GPC5: variants seen among roughly 807,000 people sequenced by gnomAD.
GPC5 encodes glypican 5, also known as glypican-5.
Under a neutral mutation model 53.9 loss-of-function variants are expected in GPC5, and 47 were observed. The observed-to-expected ratio is 0.87, with a 90% CI of 0.69 to 1.11. GPC5 has a LOEUF of 1.11. GPC5 is among the 50% of genes most tolerant of loss of function. The pLI is 0.00. For missense variants in GPC5, 748 were observed against 713.1 expected (o/e 1.05, Z -0.56); for synonymous variants, 286 against 263.3 (o/e 1.09, Z -0.84).
intron 5 of GPC5, among the ~76,000 whole-genome samples, chr13:91,809,092 T>C (rs936330520): frequency 3.3e-5 from 5 of 152,144 alleles, no homozygotes; most frequent in African/African-American, 1.2e-4. Context: ...AAAAGGATTA[T>C]CATCTTTACT....
chr13:91,423,386 T>C (rs189774689), intron 1 of GPC5, among the ~76,000 whole-genome samples: 44 of 152,314 alleles, frequency 2.9e-4, no homozygotes, highest in African/African-American at 1.0e-3. Flanking sequence ...TTAAGGCTTA[T>C]AGTCTAAGGA....
intron 5 of GPC5, among the ~76,000 whole-genome samples, chr13:91,878,085 T>C (rs1309365951): frequency 6.6e-6 from 1 of 152,144 alleles, no homozygotes; most frequent in African/African-American, 2.4e-5. Flanking sequence ...CCAATTAAAC[T>C]TCTTTTGCTT....
intron 2 of GPC5, among the ~76,000 whole-genome samples, chr13:91,580,179 T>C (rs1414552529): frequency 6.6e-6 from 1 of 151,924 alleles, no homozygotes; most frequent in African/African-American, 2.4e-5. Context: ...GCCTCCAGAG[T>C]ATCTGGGACT....
chr13:91,812,943 C>G (rs2038336801), intron 5 of GPC5, among the ~76,000 whole-genome samples: 1 of 152,098 alleles, frequency 6.6e-6, no homozygotes, highest in South Asian at 2.1e-4. Context: ...AACACAGAGC[C>G]CAAATGAAGT....
chr13:91,635,799 T>G lies in GPC5; in HGVS notation c.326-57388T>G, dbSNP rs998598395. On this transcript the variant is annotated intron_variant, in intron 2 of 7. Transcript: ENST00000377067. ...CACTTGCAGATAAACTTTAGAATTATATTGTCAGTTTCATATTTTTCACTC... is the reference window on the plus strand; with the variant it reads ...CACTTGCAGATAAACTTTAGAATTAGATTGTCAGTTTCATATTTTTCACTC... Among the ~76,000 whole-genome samples the G allele has an allele frequency of 2.0e-5, 3 of 152,120 alleles. No homozygotes were observed. The East Asian group carries it at 5.8e-4, about 29-fold the overall frequency.
intron 7 of GPC5, among the ~76,000 whole-genome samples, chr13:92,603,075 A>C (rs1287735099): frequency 6.6e-6 from 1 of 152,200 alleles, no homozygotes; most frequent in Non-Finnish European, 1.5e-5. Flanking sequence ...TCAGTCACTG[A>C]AGCTATAGAC....
At chr13:92,624,311 C>G (rs1884978405) in intron 7 of GPC5, among the ~76,000 whole-genome samples, 1 of 152,124 alleles carries the variant, frequency 6.6e-6, no homozygotes, top group African/African-American at 2.4e-5. Context: ...CTCAGATGAT[C>G]CAGCTGCCTC....
chr13:91,953,299 T>C (rs1022763990), intron 6 of GPC5, among the ~76,000 whole-genome samples: 58 of 152,296 alleles, frequency 3.8e-4, no homozygotes, highest in African/African-American at 1.3e-3. Flanking sequence ...GGAGTTATTT[T>C]TGAAATTGCT....
At chr13:91,863,405 A>G (rs989413139) in intron 5 of GPC5, among the ~76,000 whole-genome samples, 4 of 151,636 alleles carry the variant, frequency 2.6e-5, no homozygotes, top group African/African-American at 9.7e-5. Flanking sequence ...TTTTTTGTTT[A>G]TTCCCTCAAA....
At chr13:92,317,952 A>C (rs1418119793) in intron 7 of GPC5, among the ~76,000 whole-genome samples, 2 of 152,206 alleles carry the variant, frequency 1.3e-5, no homozygotes, top group African/African-American at 4.8e-5. Flanking sequence ...AGTTCAGTGA[A>C]TACATTATAT....
chr13:91,998,692 T>C (rs1350199977), intron 6 of GPC5, among the ~76,000 whole-genome samples: 1 of 152,196 alleles, frequency 6.6e-6, no homozygotes, highest in Non-Finnish European at 1.5e-5. Context: ...CTTAATTGGC[T>C]TCCTAGTTCA....
intron 7 of GPC5, among the ~76,000 whole-genome samples, chr13:92,398,533 C>T (rs1875403671): frequency 6.6e-6 from 1 of 151,764 alleles, no homozygotes; most frequent in Non-Finnish European, 1.5e-5. Context: ...CCAATCCCTT[C>T]CTCCCTTTTC....
intron 5 of GPC5, among the ~76,000 whole-genome samples, chr13:91,857,293 G>A (rs772988192): frequency 6.6e-6 from 1 of 151,148 alleles, no homozygotes; most frequent in South Asian, 2.1e-4. Flanking sequence ...ATGGGATTTT[G>A]CTTGAAATTA....
intron 7 of GPC5, among the ~76,000 whole-genome samples, chr13:92,861,802 CTA>C (rs1426496876): frequency 1.3e-5 from 2 of 151,916 alleles, no homozygotes; most frequent in Non-Finnish European, 2.9e-5. Context: ...AAATATAGAC[CTA>C]TATATTTTGT....
At chr13:92,303,519 C>A (rs1301335416) in intron 7 of GPC5, among the ~76,000 whole-genome samples, 1 of 151,684 alleles carries the variant, frequency 6.6e-6, no homozygotes, top group Non-Finnish European at 1.5e-5. Flanking sequence ...TCTCTGTGGC[C>A]AGAGAGAATT....
intron 2 of GPC5, among the ~76,000 whole-genome samples, chr13:91,504,185 G>T (rs947558651): frequency 3.3e-5 from 5 of 152,074 alleles, no homozygotes; most frequent in Non-Finnish European, 7.4e-5. Context: ...TCTCTGAAAT[G>T]AACATTAAAT....
At chr13:91,698,463 G>A (rs1233779712) in intron 3 of GPC5, among the ~76,000 whole-genome samples, 2 of 151,914 alleles carry the variant, frequency 1.3e-5, no homozygotes, top group Non-Finnish European at 2.9e-5. Context: ...GTGTTTTTAG[G>A]CATTTAAACT....
chr13:91,798,971 CT>C (rs562902688), intron 5 of GPC5, among the ~76,000 whole-genome samples: 1 of 152,092 alleles, frequency 6.6e-6, no homozygotes, highest in Non-Finnish European at 1.5e-5. Context: ...CAGTGATGGA[CT>C]TTTTTTCATA....
chr13:92,365,780 T>C (rs1322173200), intron 7 of GPC5, among the ~76,000 whole-genome samples: 1 of 151,430 alleles, frequency 6.6e-6, no homozygotes, highest in African/African-American at 2.5e-5. Context: ...CATCTTGTCC[T>C]ACTGTGGGGT....
Sources: gnomAD v4.1 joint callset for allele counts (sites outside exome capture counted in the v4.1 genomes callset) on GRCh38, gnomAD v4.1.1 for gene constraint, MANE v1.5 for transcripts, NCBI Gene and HGNC (gene_info 2026-07-23, HGNC 2026-07-21) for gene names.